The following BPTF variants were observed in gnomAD, a reference collection of about 807,000 sequenced individuals.
BPTF encodes the protein bromodomain PHD finger transcription factor.
A neutral mutation model predicts 292.5 loss-of-function variants in BPTF; 18 were observed. The observed-to-expected ratio is 0.06, with a 90% CI of 0.04 to 0.09. BPTF has a LOEUF of 0.09. Ranked by LOEUF, BPTF falls within the 10% of genes least tolerant of loss-of-function variation. The pLI is 1.00. For synonymous variants in BPTF, 1,225 were observed against 1,251.9 expected, an observed-to-expected ratio of 0.98 and a Z score of 0.45; for missense variants, 2,726 against 3,498.7, an observed-to-expected ratio of 0.78 and a Z score of 5.57.
intron 3 of BPTF, among the ~76,000 whole-genome samples, chr17:67,873,937 G>C (rs1407466915): frequency 6.6e-6 from 1 of 152,074 alleles, no homozygotes; most frequent in Non-Finnish European, 1.5e-5. Flanking sequence ...GGCTGGGGCA[G>C]GGAAAATACA....
At chr17:67,905,598 A>G (rs1423605645) in intron 9 of BPTF, among the ~76,000 whole-genome samples, 1 of 151,588 alleles carries the variant, frequency 6.6e-6, no homozygotes, top group African/African-American at 2.4e-5. Context: ...GGTCCCAGCT[A>G]CTTGGGGGTC....
chr17:67,880,891 A>G lies in BPTF; in HGVS notation c.1864+5871A>G, dbSNP rs141476565. On this transcript the variant is annotated intron_variant, in intron 4 of 27. Transcript: ENST00000306378. ...TTATTGACTCTTGTTTTGTGGCCCA[A>G]CATTTAATTAATGTTGATAAATGTT... is the stretch of plus-strand genomic sequence containing the variant. Among the ~76,000 whole-genome samples the G allele has an allele frequency of 1.7e-3, 261 of 151,986 alleles. 2 individuals are homozygous for G. The highest frequency in any genetic ancestry group is 6.0e-3 in the African/African-American group (250 of 41,402).
chr17:67,920,283 T>C (rs938741354), intron 13 of BPTF, 140 bp downstream of exon 13: 6 of 932,674 alleles, frequency 6.4e-6, no homozygotes, highest in Non-Finnish European at 9.5e-6. Flanking sequence ...GAAAATGATA[T>C]TAAAGTAATA....
chr17:67,979,235 C>G (rs1555695685), intron 27 of BPTF, among the ~76,000 whole-genome samples: 2 of 138,188 alleles, frequency 1.4e-5, no homozygotes, highest in Non-Finnish European at 3.1e-5. Flanking sequence ...AAAATATTTA[C>G]ATTTTCGTAG....
chr17:67,881,650 C>T (rs1211223665), intron 4 of BPTF, among the ~76,000 whole-genome samples: 4 of 151,000 alleles, frequency 2.6e-5, no homozygotes, highest in Admixed American at 1.3e-4. Context: ...ACTATAGACG[C>T]GCGCCACCAC....
chr17:67,973,749 C>T (rs1338300650), intron 26 of BPTF, among the ~76,000 whole-genome samples: 28 of 151,982 alleles, frequency 1.8e-4, no homozygotes, highest in African/African-American at 6.8e-4. Context: ...TTGGATGATA[C>T]GCCCACCTCG....
chr17:67,914,810 G>A (rs2062874460), intron 11 of BPTF, among the ~76,000 whole-genome samples: 1 of 152,074 alleles, frequency 6.6e-6, no homozygotes, highest in South Asian at 2.1e-4. Context: ...ATGCACTATG[G>A]TACAGTTTAT....
At chr17:67,914,276 C>A (rs2062842485) in intron 11 of BPTF, among the ~76,000 whole-genome samples, 1 of 152,024 alleles carries the variant, frequency 6.6e-6, no homozygotes, top group African/African-American at 2.4e-5. Context: ...AAAGTAAGTA[C>A]TCTCTATAAA....
intron 1 of BPTF, among the ~76,000 whole-genome samples, chr17:67,839,468 C>A (rs1293469814): frequency 6.6e-6 from 1 of 152,152 alleles, no homozygotes; most frequent in African/African-American, 2.4e-5. Flanking sequence ...TATATTAGAT[C>A]TTATAATATT....
At chr17:67,836,085 A>G (rs1400524380) in intron 1 of BPTF, among the ~76,000 whole-genome samples, 1 of 152,228 alleles carries the variant, frequency 6.6e-6, no homozygotes, top group Admixed American at 6.5e-5. Context: ...TCAGTGTTAT[A>G]AAAGTGTAAA....
intron 17 of BPTF, among the ~76,000 whole-genome samples, chr17:67,929,760 A>ATTT (rs2064203021): frequency 2.6e-5 from 4 of 152,238 alleles, no homozygotes; most frequent in Admixed American, 2.6e-4. Context: ...CTTTATGTAA[A>ATTT]ACAGTGGACA....
At chr17:67,915,432 C>T (rs1339720257) in intron 11 of BPTF, among the ~76,000 whole-genome samples, 3 of 152,190 alleles carry the variant, frequency 2.0e-5, no homozygotes, top group Non-Finnish European at 2.9e-5. Context: ...CCCTTTACAA[C>T]CCATCCAGTA....
chr17:67,946,467 A>G, intron 21 of BPTF, 142 bp downstream of exon 21: 1 of 1,171,572 alleles, frequency 8.5e-7, no homozygotes, highest in Non-Finnish European at 1.2e-6. Flanking sequence ...TGAATTGACC[A>G]AAAAAAATAC....
intron 7 of BPTF, among the ~76,000 whole-genome samples, chr17:67,900,606 A>G (rs931779907): frequency 1.3e-5 from 2 of 151,944 alleles, no homozygotes; most frequent in African/African-American, 2.4e-5. Context: ...AAGCTAAGCA[A>G]TCTTTAAAGC....
In BPTF at chr17:67,934,858, G is replaced by A. The variant is rs545002840; in HGVS notation, c.6259+2839G>A. 9.5e-4 allele frequency among the ~76,000 whole-genome samples: 72 copies of A among 75,616 alleles called. No homozygotes were observed. The Admixed American group carries it at 0.011, about 12-fold the overall frequency. 49.6% of individuals were successfully genotyped at this position (75,616 alleles called of 152,430 possible). ...TCGCACTCCAGCCTGAGCAATGAGC[G>A]AAACTCTGTCTCAAAAAAAAAAAAA... is the stretch of plus-strand genomic sequence containing the variant. On this transcript the variant is annotated intron_variant, in intron 18 of 27. Coordinates refer to ENST00000306378, the MANE Select transcript of BPTF (RefSeq NM_182641.4).
chr17:67,896,248 G>C (rs1215685510), intron 7 of BPTF, among the ~76,000 whole-genome samples: 1 of 152,154 alleles, frequency 6.6e-6, no homozygotes, highest in African/African-American at 2.4e-5. Context: ...AGGCATGAGT[G>C]ACTGCACCCA....
chr17:67,843,926 C>T (rs1215032146), intron 1 of BPTF, among the ~76,000 whole-genome samples: 3 of 149,162 alleles, frequency 2.0e-5, no homozygotes, highest in Non-Finnish European at 4.5e-5. Flanking sequence ...CCACCATGGC[C>T]GGCTAATTTA....
rs771774204 is a variant in BPTF, at chr17:67,912,693, C to A, written c.4809C>A (p.Ile1603=). ...TGGCCACAGAATCAAAAACTGTGAT[C>A]AAGGTAGAAAAAGGCGATAAGCAAA... The part of the protein sequence containing the change: ...STVATESKTV[I]KVEKGDKQTV... Residue 1603 remains isoleucine (I), a synonymous_variant, in exon 11 of 28, where the codon ATC becomes ATA. Transcript: ENST00000306378. The A allele has an allele frequency of 6.2e-7, 1 of 1,614,018 alleles. No homozygotes were observed.
chr17:67,945,487 C>T lies in BPTF; in HGVS notation c.6779C>T (p.Ser2260Leu), dbSNP rs782428020. The change falls in exon 21 of 28, where the codon TCA (serine) becomes TTA (leucine). Residue 2260 changes from serine to leucine, a missense_variant. Ser to Leu is a moderately radical substitution (Grantham distance 145, BLOSUM62 -2). This residue lies in a region of BPTF where 570 missense variants were observed against 633.5 expected (regional missense o/e 0.90). Transcript: ENST00000306378. Reference sequence around the variant, plus strand: ...GACAAAACCCTGCCACCAGCTCAGTCATCAAGTGTGGGTCCAGCAGAAGCC... The same window carrying T: ...GACAAAACCCTGCCACCAGCTCAGTTATCAAGTGTGGGTCCAGCAGAAGCC... The part of the protein sequence containing the change: ...HQDKTLPPAQ[S>L]SSVGPAEAQP... 4 of 1,614,162 alleles carry T rather than the reference C, an allele frequency of 2.5e-6. No homozygotes were observed. The Admixed American group carries it at 6.7e-5, about 27-fold the overall frequency.
Sources: gnomAD v4.1 joint callset for allele counts (sites outside exome capture counted in the v4.1 genomes callset) on GRCh38, gnomAD v4.1.1 for gene constraint, gnomAD v4.1.1 regional missense constraint, MANE v1.5 for transcripts, NCBI Gene and HGNC (gene_info 2026-07-23, HGNC 2026-07-21) for gene names.